Variants in TESC observed in about 807,000 individuals in gnomAD.
TESC encodes the protein tescalcin.
Under a neutral mutation model 31.0 loss-of-function variants are expected in TESC, and 19 were observed. The observed-to-expected ratio is 0.61, with a 90% CI of 0.43 to 0.90. The LOEUF (loss-of-function observed/expected upper bound fraction) is 0.90. Ranked by LOEUF, TESC falls within the 40% of genes least tolerant of loss-of-function variation. The pLI is 0.00. For synonymous variants in TESC, 109 were observed against 114.8 expected (o/e 0.95, Z 0.32); for missense variants, 248 against 303.8 (o/e 0.82, Z 1.36).
At chr12:117,060,987 C>T (rs1954793959) in intron 2 of TESC, among the ~76,000 whole-genome samples, 1 of 152,210 alleles carries the variant, frequency 6.6e-6, no homozygotes, top group South Asian at 2.1e-4. Flanking sequence ...CTGATACTGA[C>T]AGAGGGTGAA....
intron 2 of TESC, among the ~76,000 whole-genome samples, chr12:117,058,712 C>T (rs1245483368): frequency 6.9e-6 from 1 of 144,786 alleles, no homozygotes; most frequent in Non-Finnish European, 1.5e-5. Context: ...CACTACACTG[C>T]AGCCTGGGTG....
intron 2 of TESC, among the ~76,000 whole-genome samples, chr12:117,064,522 G>A (rs563062480): frequency 2.6e-5 from 4 of 152,300 alleles, no homozygotes; most frequent in South Asian, 4.1e-4. Context: ...GCAACTCAGC[G>A]ACAAGCATTC....
At chr12:117,072,692 G>A (rs1411757356) in intron 2 of TESC, among the ~76,000 whole-genome samples, 3 of 152,216 alleles carry the variant, frequency 2.0e-5, no homozygotes, top group Non-Finnish European at 4.4e-5. Context: ...AGGACAAAGG[G>A]GCTCTGCCTT....
intron 1 of TESC, among the ~76,000 whole-genome samples, chr12:117,089,612 T>C (rs2135801928): frequency 6.6e-6 from 1 of 152,322 alleles, no homozygotes; most frequent in Non-Finnish European, 1.5e-5. Flanking sequence ...TATAAGTCAT[T>C]GCAATTTTTT....
chr12:117,085,089 C>T (rs191330797), intron 1 of TESC, among the ~76,000 whole-genome samples: 33 of 152,288 alleles, frequency 2.2e-4, no homozygotes, highest in East Asian at 9.7e-4. Flanking sequence ...TTCTAGGCCA[C>T]GGGGATGGGA....
intron 1 of TESC, among the ~76,000 whole-genome samples, chr12:117,087,054 C>T (rs896790809): frequency 2.0e-5 from 3 of 152,212 alleles, no homozygotes; most frequent in African/African-American, 7.2e-5. Context: ...GGGGACTACC[C>T]TCTCATGCCT....
chr12:117,056,967 A>G, intron 2 of TESC, 81 bp from the exon 3 acceptor site: 1 of 1,463,968 alleles, frequency 6.8e-7, no homozygotes, highest in Non-Finnish European at 9.5e-7. Flanking sequence ...TCCTGTATCA[A>G]GCTGTATTTT....
At chr12:117,046,268 CACTG>C (rs1238296040) in intron 6 of TESC, among the ~76,000 whole-genome samples, 1 of 152,198 alleles carries the variant, frequency 6.6e-6, no homozygotes, top group Admixed American at 6.5e-5. Flanking sequence ...CTGCTGTGAG[CACTG>C]ACTGAGGCCG....
At chr12:117,083,442 T>C (rs1208764518) in intron 1 of TESC, among the ~76,000 whole-genome samples, 1 of 151,650 alleles carries the variant, frequency 6.6e-6, no homozygotes, top group African/African-American at 2.4e-5. Context: ...CTGTAACCAA[T>C]GTTCAAAGCA....
chr12:117,050,409 G>A (rs1317112011), intron 3 of TESC, among the ~76,000 whole-genome samples: 1 of 152,256 alleles, frequency 6.6e-6, no homozygotes, highest in African/African-American at 2.4e-5. Flanking sequence ...GCATCTCTAA[G>A]TAATCTGTTT....
chr12:117,063,844 A>C (rs561915192), intron 2 of TESC, among the ~76,000 whole-genome samples: 1 of 152,310 alleles, frequency 6.6e-6, no homozygotes, highest in South Asian at 2.1e-4. Flanking sequence ...CATGTCACTC[A>C]GCACATGTCT....
intron 1 of TESC, among the ~76,000 whole-genome samples, chr12:117,088,718 G>C (rs934246339): frequency 6.6e-6 from 1 of 151,406 alleles, no homozygotes; most frequent in Non-Finnish European, 1.5e-5. Context: ...TACTTCAGTA[G>C]GACACTTAGA....
chr12:117,056,994 C>G (rs1021534153), intron 2 of TESC, 108 bp from the exon 3 acceptor site: 2 of 1,033,086 alleles, frequency 1.9e-6, no homozygotes, highest in Admixed American at 3.8e-5. Context: ...CTAACAGGCC[C>G]CCACAAGAAT....
At position 117,077,025 on chromosome 12, in the gene TESC, C is replaced by T. The variant is rs148133763; in HGVS notation, c.59-1685G>A. ...CCTCAGTCCTCCCAGCATTCCCTACCCCTAAGCACTGTTTTGCTCCTGTTA... is the reference window on the plus strand; with the variant it reads ...CCTCAGTCCTCCCAGCATTCCCTACTCCTAAGCACTGTTTTGCTCCTGTTA... On this transcript the variant is annotated intron_variant, in intron 1 of 7. Transcript: ENST00000335209. 1.4e-3 allele frequency among the ~76,000 whole-genome samples: 207 copies of T among 152,302 alleles called. 1 individual carries two copies. Among genetic ancestry groups the T allele is most frequent in the Middle Eastern group, 3.4e-3 (1 of 294 alleles).
intron 1 of TESC, among the ~76,000 whole-genome samples, chr12:117,092,645 G>C (rs1370475401): frequency 6.6e-6 from 1 of 152,134 alleles, no homozygotes; most frequent in Non-Finnish European, 1.5e-5. Context: ...CTGGTTTCAC[G>C]GACACATTCA....
intron 1 of TESC, among the ~76,000 whole-genome samples, chr12:117,075,879 A>G (rs1350028563): frequency 0.037 from 359 of 9,782 alleles, 14 homozygotes; most frequent in African/African-American, 0.12. Flanking sequence ...ATGTGTGTAT[A>G]TATATATATA....
At chr12:117,050,088 C>T (rs1365715984) in intron 3 of TESC, among the ~76,000 whole-genome samples, 1 of 151,732 alleles carries the variant, frequency 6.6e-6, no homozygotes, top group East Asian at 1.9e-4. Context: ...TATATGACAG[C>T]CATGTGCCTG....
chr12:117,073,518 C>A (rs2135782845), intron 2 of TESC, among the ~76,000 whole-genome samples: 1 of 152,224 alleles, frequency 6.6e-6, no homozygotes, highest in Non-Finnish European at 1.5e-5. Context: ...TAACAATATG[C>A]CTGTGTTTAG....
At chr12:117,066,815 C>A (rs1407735720) in intron 2 of TESC, among the ~76,000 whole-genome samples, 1 of 152,126 alleles carries the variant, frequency 6.6e-6, no homozygotes, top group African/African-American at 2.4e-5. Context: ...ATCCTCAGCT[C>A]TAAAACCCAT....
Sources: gnomAD v4.1 joint callset for allele counts (sites outside exome capture counted in the v4.1 genomes callset) on GRCh38, gnomAD v4.1.1 for gene constraint, MANE v1.5 for transcripts, NCBI Gene and HGNC (gene_info 2026-07-23, HGNC 2026-07-21) for gene names.